CYLD: variants seen among roughly 807,000 people sequenced by gnomAD.
CYLD encodes ubiquitin carboxyl-terminal hydrolase CYLD.
CYLD carries 26 observed loss-of-function variants against 104.5 expected under a neutral mutation model. The ratio of observed to expected loss-of-function variants is 0.25; its 90% CI spans 0.18 to 0.35. The LOEUF (loss-of-function observed/expected upper bound fraction) is 0.35, where lower values mean the gene tolerates loss of function less well. CYLD is among the 10% of genes least tolerant of loss of function. The pLI is 1.00. For missense variants in CYLD, 703 were observed against 1,136.1 expected (o/e 0.62, Z 5.48); for synonymous variants, 385 against 399.9 (o/e 0.96, Z 0.45).
In CYLD at chr16:50,798,452, T is replaced by G. The variant is rs958038692; in HGVS notation, c.*1944T>G. On this transcript the variant is annotated 3_prime_UTR_variant, in exon 19 of 19. Transcript: ENST00000427738. ...ATAAGTAATCTAGAGATTATTTAAT[T>G]AAAATATACAGGAGGATGTGTGTCA... The G allele has an allele frequency of 4.3e-6, 1 of 232,472 alleles. No individual in the cohort carries two copies. Among genetic ancestry groups the G allele is most frequent in the African/African-American group, 2.2e-5 (1 of 45,312 alleles). 14.4% of individuals were successfully genotyped at this position (232,472 alleles called of 1,614,324 possible).
chr16:50,791,138 A>T (rs377617201), intron 14 of CYLD, among the ~76,000 whole-genome samples: 54 of 152,292 alleles, frequency 3.5e-4, no homozygotes, highest in African/African-American at 1.3e-3. Context: ...TTCGATCTAG[A>T]AGGTCTGCTA....
intron 13 of CYLD, chr16:50,787,570 T>G: frequency 2.1e-6 from 1 of 485,034 alleles, no homozygotes. Context: ...TGTAATAAAC[T>G]CACAACAAAA....
intron 5 of CYLD, among the ~76,000 whole-genome samples, chr16:50,773,528 A>G (rs1201537434): frequency 6.6e-6 from 1 of 152,168 alleles, no homozygotes; most frequent in Non-Finnish European, 1.5e-5. Context: ...CCAGCTTTTG[A>G]TTAGAATGAA....
At chr16:50,780,114 T>C (rs1970074441) in intron 9 of CYLD, 70 bp downstream of exon 9, 2 of 1,558,298 alleles carry the variant, frequency 1.3e-6, no homozygotes, top group African/African-American at 1.4e-5. Flanking sequence ...CGCCCTATTA[T>C]ATGCTTTTTG....
At chr16:50,791,385 C>T (rs1396830140) in intron 14 of CYLD, among the ~76,000 whole-genome samples, 173 bp from the exon 15 acceptor site, 10 of 152,228 alleles carry the variant, frequency 6.6e-5, no homozygotes, top group Non-Finnish European at 1.2e-4. Context: ...TGCCTGAGCA[C>T]ATTTAATTAT....
chr16:50,781,535 T>A, intron 10 of CYLD, 124 bp downstream of exon 10: 1 of 1,218,726 alleles, frequency 8.2e-7, no homozygotes, highest in Non-Finnish European at 1.2e-6. Context: ...CATTAAGCTT[T>A]AAATCAGTAA....
Position 50,794,398 on chromosome 16 carries a change from C to T in CYLD, c.2656C>T (p.Leu886Phe). 6.2e-7 allele frequency: 1 copy of T among 1,614,144 alleles called. No individual in the cohort carries two copies. The highest frequency in any genetic ancestry group is 8.5e-7 in the Non-Finnish European group (1 of 1,180,020). Residue 886 changes from leucine (L) to phenylalanine (F), a missense_variant, in exon 18 of 19, where the codon CTC (leucine) becomes TTC (phenylalanine). This residue lies in a region of CYLD where 130 missense variants were observed against 220.2 expected (regional missense o/e 0.59). Transcript: ENST00000427738. The surrounding 1 kb of genome is among the most constrained non-coding windows in gnomAD (Gnocchi z 4.1). ...VKYGKDDSAW[L>F]FFDSMADRDG... Reference sequence around the variant, plus strand: ...GTATGGGAAGGACGATTCTGCCTGGCTCTTCTTTGACAGCATGGCCGATCG... The same window carrying T: ...GTATGGGAAGGACGATTCTGCCTGGTTCTTCTTTGACAGCATGGCCGATCG...
chr16:50,744,833 C>T (rs1256756808), intron 2 of CYLD: 5 of 152,336 alleles, frequency 3.3e-5, no homozygotes, highest in African/African-American at 1.2e-4. Flanking sequence ...CCTTCCAACT[C>T]TCGTCTTGGT....
chr16:50,748,572 TAAATG>T (rs1378901720), intron 2 of CYLD, among the ~76,000 whole-genome samples: 1 of 151,888 alleles, frequency 6.6e-6, no homozygotes, highest in Non-Finnish European at 1.5e-5. Context: ...AAAATAAAAA[TAAATG>T]AAAATTTGAA....
At position 50,796,576 on chromosome 16, in the gene CYLD, C is replaced by A; in HGVS notation, c.*68C>A. ...TAACGTTGCATCTTATTCGAGCTGG[C>A]AGTTCTGTTCACGTCCATTGCCGGC... is the stretch of plus-strand genomic sequence containing the variant. On this transcript the variant is annotated 3_prime_UTR_variant, in exon 19 of 19. Coordinates refer to ENST00000427738, the MANE Select transcript of CYLD (RefSeq NM_001378743.1). 6.7e-7 allele frequency: 1 copy of A among 1,503,114 alleles called. No individual in the cohort carries two copies. Among genetic ancestry groups the A allele is most frequent in the Non-Finnish European group, 9.2e-7 (1 of 1,091,016 alleles). The allele number at this position is 1,503,114 out of a possible 1,614,324, so 93.1% of individuals were successfully genotyped here. A position where few individuals can be genotyped will look rare whatever the true frequency, so the allele number is the denominator to read the frequency against.
chr16:50,768,015 A>C (rs564786159), intron 5 of CYLD, among the ~76,000 whole-genome samples: 1 of 152,198 alleles, frequency 6.6e-6, no homozygotes, highest in Non-Finnish European at 1.5e-5. Context: ...AATTAGTTAC[A>C]TGAATATCTT....
chr16:50,742,589 G>A, intron 1 of CYLD, 173 bp from the exon 2 acceptor site: 2 of 378,524 alleles, frequency 5.3e-6, no homozygotes, highest in East Asian at 3.7e-5. Flanking sequence ...GGCACAGGCC[G>A]CTGGCGGGCC....
rs374843902 is a variant in CYLD at position 50,752,997 on chromosome 16, C to T, written c.807+1091C>T. Among the ~76,000 whole-genome samples, 41 of 152,136 alleles carry T rather than the reference C, an allele frequency of 2.7e-4. 1 individual carries two copies. The highest frequency in any genetic ancestry group is 9.6e-4 in the African/African-American group (40 of 41,506). ...CTGAACACTAGAATGAGTTAGGAGG[C>T]GATGTGAGTAGTAATCTCTTATACT... On this transcript the variant is annotated intron_variant, in intron 4 of 18. Coordinates refer to ENST00000427738, the MANE Select transcript of CYLD (RefSeq NM_001378743.1).
Position 50,792,587 on chromosome 16 carries a change from T to G in CYLD, c.2242-10T>G. 1 of 1,579,608 alleles carries G rather than the reference T, an allele frequency of 6.3e-7. No individual in the cohort carries two copies. The highest frequency in any genetic ancestry group is 8.7e-7 in the Non-Finnish European group (1 of 1,151,152). On this transcript the variant is annotated splice_polypyrimidine_tract_variant and intron_variant, in intron 15 of 18. Transcript: ENST00000427738. Reference sequence around the variant, plus strand: ...CACTTTGATTCTAAAAATATCTGTCTTTTTTATAGGCACCATCATGTCTGA... The same window carrying G: ...CACTTTGATTCTAAAAATATCTGTCGTTTTTATAGGCACCATCATGTCTGA...
chr16:50,767,146 G>A (rs1056650565), intron 5 of CYLD, among the ~76,000 whole-genome samples: 1 of 152,180 alleles, frequency 6.6e-6, no homozygotes, highest in Non-Finnish European at 1.5e-5. Context: ...AACCATCACC[G>A]TGATCAGTCA....
At chr16:50,776,727 A>G (rs950724715) in intron 7 of CYLD, among the ~76,000 whole-genome samples, 3 of 152,204 alleles carry the variant, frequency 2.0e-5, no homozygotes, top group South Asian at 4.1e-4. Context: ...TCCTCACAAT[A>G]TGTGTGGAGC....
chr16:50,754,882 T>C (rs1966856671), intron 5 of CYLD, among the ~76,000 whole-genome samples: 1 of 150,168 alleles, frequency 6.7e-6, no homozygotes, highest in Non-Finnish European at 1.5e-5. Context: ...TATGTATATA[T>C]ATATACGCAT....
intron 5 of CYLD, among the ~76,000 whole-genome samples, chr16:50,770,014 C>T (rs1417522193): frequency 1.3e-5 from 2 of 151,916 alleles, no homozygotes; most frequent in Non-Finnish European, 2.9e-5. Context: ...AGTAATATTC[C>T]ATATTATGGA....
At chr16:50,795,065 T>TTAA (rs1436448719) in intron 18 of CYLD, among the ~76,000 whole-genome samples, 1 of 152,204 alleles carries the variant, frequency 6.6e-6, no homozygotes, top group Non-Finnish European at 1.5e-5. Flanking sequence ...ACGGTAGCTG[T>TTAA]TTATTGAGCA....
Sources: gnomAD v4.1 joint callset for allele counts (sites outside exome capture counted in the v4.1 genomes callset) on GRCh38, gnomAD v4.1.1 for gene constraint, gnomAD v4.1.1 regional missense constraint, Gnocchi (gnomAD v3.1) non-coding constraint, MANE v1.5 for transcripts, NCBI Gene and HGNC (gene_info 2026-07-23, HGNC 2026-07-21) for gene names.